Variants in MACROD2 observed in about 807,000 individuals in gnomAD.
MACROD2 encodes the protein ADP-ribose glycohydrolase MACROD2.
MACROD2 carries 36 observed loss-of-function variants against 70.4 expected under a neutral mutation model. The observed-to-expected ratio is 0.51, with a 90% CI of 0.39 to 0.68. The LOEUF (loss-of-function observed/expected upper bound fraction) is 0.68. Among genes scored for constraint, MACROD2 ranks in the 30% least tolerant of loss-of-function variants. The pLI is 0.00. For missense variants in MACROD2, 496 were observed against 538.4 expected, an observed-to-expected ratio of 0.92 and a Z score of 0.78; for synonymous variants, 172 against 178.8, an observed-to-expected ratio of 0.96 and a Z score of 0.30.
intron 3 of MACROD2, among the ~76,000 whole-genome samples, chr20:14,233,016 A>C (rs1039009212): frequency 6.6e-6 from 1 of 152,210 alleles, no homozygotes; most frequent in Non-Finnish European, 1.5e-5. Context: ...CTCAGGGAAT[A>C]GGGAGGCTGG....
intron 8 of MACROD2, among the ~76,000 whole-genome samples, chr20:15,569,705 T>A (rs2048352513): frequency 6.6e-6 from 1 of 152,200 alleles, no homozygotes; most frequent in South Asian, 2.1e-4. Flanking sequence ...TTAGCTATAT[T>A]TTGAAGTGGT....
At chr20:14,927,441 A>G (rs760553465) in intron 5 of MACROD2, among the ~76,000 whole-genome samples, 4 of 152,160 alleles carry the variant, frequency 2.6e-5, no homozygotes, top group East Asian at 1.9e-4. Context: ...TTACGACATT[A>G]AAGTCCAGGG....
intron 3 of MACROD2, among the ~76,000 whole-genome samples, chr20:14,437,246 C>T (rs1167936250): frequency 1.3e-5 from 2 of 152,060 alleles, no homozygotes; most frequent in African/African-American, 4.8e-5. Flanking sequence ...GGATGTCATC[C>T]TTAACTTTTC....
At chr20:14,327,847 T>C (rs981833608) in intron 3 of MACROD2, among the ~76,000 whole-genome samples, 5 of 152,102 alleles carry the variant, frequency 3.3e-5, no homozygotes, top group Non-Finnish European at 7.4e-5. Context: ...TAATCCAAAG[T>C]ATTTTAATTA....
intron 3 of MACROD2, among the ~76,000 whole-genome samples, chr20:14,416,414 TTAA>T (rs936249786): frequency 6.6e-6 from 1 of 152,234 alleles, no homozygotes; most frequent in Non-Finnish European, 1.5e-5. Context: ...TGTACACATC[TTAA>T]TAATATATAA....
intron 3 of MACROD2, among the ~76,000 whole-genome samples, chr20:14,380,168 T>C (rs1368056692): frequency 1.3e-5 from 2 of 152,114 alleles, no homozygotes; most frequent in Non-Finnish European, 2.9e-5. Context: ...TGATATCTCA[T>C]TGTGGTTTTG....
intron 3 of MACROD2, among the ~76,000 whole-genome samples, chr20:14,462,207 C>G (rs1404499123): frequency 6.6e-6 from 1 of 152,098 alleles, no homozygotes. Flanking sequence ...TGTTTCTTGA[C>G]TTTTTAATGA....
chr20:15,058,398 C>T (rs2075504377), intron 5 of MACROD2, among the ~76,000 whole-genome samples: 1 of 152,008 alleles, frequency 6.6e-6, no homozygotes, highest in Non-Finnish European at 1.5e-5. Flanking sequence ...AATAGGGTTG[C>T]CAGATACAAT....
intron 5 of MACROD2, among the ~76,000 whole-genome samples, chr20:14,849,112 T>A (rs540600532): frequency 6.6e-6 from 1 of 152,296 alleles, no homozygotes; most frequent in East Asian, 1.9e-4. Flanking sequence ...CAGGGCTCTT[T>A]GGCACAGTTA....
In MACROD2 at chr20:14,167,411, T is replaced by A. The variant is rs2055282728; in HGVS notation, c.271+81683T>A. On this transcript the variant is annotated intron_variant, in intron 3 of 17. Transcript: ENST00000684519. ...TTTTTTGTTTTTTTTGAGACGGAGT[T>A]TTGCTTTTGTTGCTCAGGCTGGAGT... is the stretch of plus-strand genomic sequence containing the variant. 2.0e-5 allele frequency among the ~76,000 whole-genome samples: 3 copies of A among 152,030 alleles called. No individual in the cohort carries two copies. The South Asian group carries it at 6.2e-4, about 32-fold the overall frequency.
intron 5 of MACROD2, among the ~76,000 whole-genome samples, chr20:14,803,419 CTA>C (rs1436121615): frequency 2.6e-5 from 4 of 152,082 alleles, no homozygotes; most frequent in Non-Finnish European, 5.9e-5. Flanking sequence ...GTTAAGATGA[CTA>C]TGTGTAAATT....
intron 4 of MACROD2, among the ~76,000 whole-genome samples, chr20:14,672,149 A>G (rs998012518): frequency 1.6e-4 from 24 of 152,160 alleles, no homozygotes; most frequent in African/African-American, 5.5e-4. Flanking sequence ...TATTGATTCT[A>G]TGGGTTCACT....
In MACROD2 at chr20:15,816,359, A is replaced by T. The variant is rs140885096; in HGVS notation, c.646-46386A>T. 3.6e-3 allele frequency among the ~76,000 whole-genome samples: 541 copies of T among 152,226 alleles called. 5 individuals carry two copies. Among genetic ancestry groups the T allele is most frequent in the African/African-American group, 0.012 (511 of 41,536 alleles). On this transcript the variant is annotated intron_variant, in intron 8 of 17. Transcript: ENST00000684519. ...CCATCGAACCCCCAAATTGTACTGGAATCAGACTTTTTCATTAATTCATGC... is the reference window on the plus strand; with the variant it reads ...CCATCGAACCCCCAAATTGTACTGGTATCAGACTTTTTCATTAATTCATGC...
intron 8 of MACROD2, among the ~76,000 whole-genome samples, chr20:15,610,236 T>C (rs543562786): frequency 6.6e-6 from 1 of 152,352 alleles, no homozygotes; most frequent in South Asian, 2.1e-4. Flanking sequence ...CTTCCCTTCC[T>C]GGACACGATC....
At chr20:15,349,699 T>C (rs2078205992) in intron 6 of MACROD2, among the ~76,000 whole-genome samples, 2 of 145,892 alleles carry the variant, frequency 1.4e-5, no homozygotes, top group Non-Finnish European at 3.0e-5. Context: ...GAGGTTGCAG[T>C]GAGCTGAGAT....
intron 5 of MACROD2, among the ~76,000 whole-genome samples, chr20:14,937,153 A>T (rs2074346987): frequency 6.6e-6 from 1 of 151,996 alleles, no homozygotes. Context: ...GTTTTGGTGG[A>T]TGCAGAGGAG....
At chr20:15,729,384 G>A (rs548120786) in intron 8 of MACROD2, among the ~76,000 whole-genome samples, 36 of 152,280 alleles carry the variant, frequency 2.4e-4, no homozygotes, top group Non-Finnish European at 4.1e-4. Flanking sequence ...GGAGAGTTCT[G>A]TAGATGTCTC....
intron 8 of MACROD2, among the ~76,000 whole-genome samples, chr20:15,690,687 G>A (rs1030993725): frequency 2.6e-5 from 4 of 152,036 alleles, no homozygotes; most frequent in Non-Finnish European, 5.9e-5. Flanking sequence ...CTAGTATAAT[G>A]TCTCCCTGAA....
At chr20:14,328,749 T>C (rs2122592215) in intron 3 of MACROD2, among the ~76,000 whole-genome samples, 1 of 152,168 alleles carries the variant, frequency 6.6e-6, no homozygotes, top group East Asian at 1.9e-4. Context: ...AGGCTTGCTG[T>C]TGTCAATGAA....
Sources: allele counts gnomAD v4.1 joint callset (sites outside exome capture counted in the v4.1 genomes callset), GRCh38; gene constraint gnomAD v4.1.1; transcripts MANE v1.5; gene names NCBI Gene and HGNC (gene_info 2026-07-23, HGNC 2026-07-21).